Variants in PACS2 observed in about 807,000 individuals in gnomAD.
PACS2 encodes PACS1-like protein.
In PACS2, 36 loss-of-function variants were observed where a neutral mutation model predicts 113.0. That is an observed-to-expected ratio of 0.32 (90% CI 0.24 to 0.42). The LOEUF is 0.42. PACS2 is among the 10% of genes least tolerant of loss of function. PACS2 has a pLI of 1.00. For missense variants in PACS2, 1,015 were observed against 1,239.5 expected (o/e 0.82, Z 2.72); for synonymous variants, 589 against 536.1 (o/e 1.10, Z -1.36).
intron 8 of PACS2, chr14:105,371,074 C>T (rs1457259018): frequency 5.9e-5 from 9 of 152,282 alleles, no homozygotes; most frequent in African/African-American, 1.4e-4. Flanking sequence ...GTCCATGTGC[C>T]GAAACAGGTG....
At chr14:105,391,799 T>A (rs782519946) in intron 22 of PACS2, 33 bp downstream of exon 22, 19 of 1,559,104 alleles carry the variant, frequency 1.2e-5, no homozygotes, top group Non-Finnish European at 1.6e-5. Context: ...CACGTTTCAC[T>A]TACCCGCCCC....
chr14:105,354,255 A>C lies in PACS2; in HGVS notation c.298-797A>C, dbSNP rs1458113651. Among the ~76,000 whole-genome samples, 1 of 152,136 alleles carries C rather than the reference A, an allele frequency of 6.6e-6. No individual in the cohort carries two copies. Among genetic ancestry groups the C allele is most frequent in the Non-Finnish European group, 1.5e-5 (1 of 68,014 alleles). ...CTTGAACCCAGGAGGTGGAGGTGAC[A>C]GTGAGCCCGGCTAATTTTTGTATTT... is the stretch of plus-strand genomic sequence containing the variant. On this transcript the variant is annotated intron_variant, in intron 3 of 24. Transcript: ENST00000447393. The surrounding 1 kb of genome is among the most constrained non-coding windows in gnomAD (Gnocchi z 4.2).
In PACS2 at chr14:105,392,395, A is replaced by G. The variant is rs1595191768; in HGVS notation, c.2256-224A>G. On this transcript the variant is annotated intron_variant, in intron 22 of 24. Transcript: ENST00000447393. ...GCAGGTGGACAGGCCTCCCAGGCCG[A>G]GGCTCTCCTGTCGCCAGGGTCCCTG... 12 of 571,936 alleles carry G rather than the reference A, an allele frequency of 2.1e-5. No homozygotes were observed. In the East Asian group the frequency reaches 3.2e-4, roughly 15 times the overall value. The allele number at this position is 571,936 out of a possible 1,614,324, so 35.4% of individuals were successfully genotyped here.
rs147235015 is a variant in PACS2 at position 105,358,336 on chromosome 14, C to T, written c.423+3159C>T. 7.2e-5 allele frequency among the ~76,000 whole-genome samples: 11 copies of T among 152,328 alleles called. No individual in the cohort carries two copies. Among genetic ancestry groups the T allele is most frequent in the Admixed American group, 1.3e-4 (2 of 15,312 alleles). On this transcript the variant is annotated intron_variant, in intron 4 of 24. Transcript: ENST00000447393. This position sits in a 1 kb window ranked among gnomAD's most constrained non-coding sequence, Gnocchi z 4.9. ...CCGCAGCCCCAGGGCCTGCTGGGCA[C>T]GCGCCTCTGCCTGCCACTTCTCAGG...
chr14:105,314,645 A>C (rs1459844439), upstream of PACS2: 5 of 140,942 alleles, frequency 3.5e-5, no homozygotes, highest in South Asian at 2.2e-4. Context: ...CGCCCAGCCA[A>C]TCGGCGGCGC....
chr14:105,333,399 C>T (rs2059380649), intron 1 of PACS2, among the ~76,000 whole-genome samples: 1 of 152,262 alleles, frequency 6.6e-6, no homozygotes, highest in African/African-American at 2.4e-5. Flanking sequence ...GCCTGCAGCA[C>T]AGGCCGGCCA....
intron 1 of PACS2, among the ~76,000 whole-genome samples, chr14:105,303,502 C>A (rs1054545589): frequency 7.2e-5 from 11 of 152,250 alleles, no homozygotes; most frequent in African/African-American, 2.7e-4. Flanking sequence ...CTCGCCCTCC[C>A]AAAGTGCTGG....
chr14:105,336,156 C>T (rs1239290448), intron 1 of PACS2, among the ~76,000 whole-genome samples: 1 of 152,238 alleles, frequency 6.6e-6, no homozygotes, highest in Non-Finnish European at 1.5e-5. Context: ...GTTTTCCCTT[C>T]CAACAAAACA....
chr14:105,371,210 T>C (rs1339802159), intron 8 of PACS2: 1 of 152,250 alleles, frequency 6.6e-6, no homozygotes, highest in Non-Finnish European at 1.5e-5. Context: ...GTTTGCATCT[T>C]GGATTGGAAC....
chr14:105,310,533 C>CAAAAAAAAA (rs764203821), upstream of PACS2, among the ~76,000 whole-genome samples: 1 of 79,742 alleles, frequency 1.3e-5, no homozygotes, highest in African/African-American at 5.2e-5. Flanking sequence ...GACTCTGTCT[C>CAAAAAAAAA]AAAAAAAAAA....
chr14:105,393,037 C>T (rs1555415418), intron 23 of PACS2, among the ~76,000 whole-genome samples, 185 bp from the exon 24 acceptor site: 1 of 152,188 alleles, frequency 6.6e-6, no homozygotes, highest in Non-Finnish European at 1.5e-5. Flanking sequence ...ACCAGAGCCT[C>T]AGGCGGAGGC....
intron 1 of PACS2, among the ~76,000 whole-genome samples, chr14:105,307,653 A>ATGGCCTTC (rs1183204351): frequency 6.6e-6 from 1 of 152,214 alleles, no homozygotes; most frequent in African/African-American, 2.4e-5. Flanking sequence ...GCAAGCTTCT[A>ATGGCCTTC]TGGCCTTCTC....
intron 1 of PACS2, among the ~76,000 whole-genome samples, chr14:105,316,589 C>T (rs78814529): frequency 0.02 from 3,001 of 152,274 alleles, 97 homozygotes; most frequent in African/African-American, 0.069. Flanking sequence ...GTCTTTAACC[C>T]AAGGGAGGTG....
At chr14:105,390,845 C>T (rs587772944) in intron 20 of PACS2, 5 of 342,836 alleles carry the variant, frequency 1.5e-5, no homozygotes, top group East Asian at 1.2e-4. Context: ...TCTACGTAGC[C>T]GCCTGTGGCT....
At chr14:105,353,070 A>G (rs1595669953) in intron 3 of PACS2, among the ~76,000 whole-genome samples, 6 of 76,350 alleles carry the variant, frequency 7.9e-5, no homozygotes, top group Non-Finnish European at 1.3e-4. Flanking sequence ...CACCCCCATC[A>G]CTGTCCCCTG....
intron 1 of PACS2, among the ~76,000 whole-genome samples, chr14:105,320,242 C>A (rs1323611630): frequency 6.6e-6 from 1 of 152,208 alleles, no homozygotes; most frequent in African/African-American, 2.4e-5. Context: ...TCCCAAAGTG[C>A]TGGGATTACA....
In PACS2 at chr14:105,384,916, G is replaced by A. The variant is rs587769052; in HGVS notation, c.1929G>A (p.Gln643=). Residue 643 remains glutamine, a synonymous_variant, in exon 18 of 25, where the codon CAG becomes CAA. Transcript: ENST00000447393. ...CAGACATTGTGTCACGCATCACGCA[G>A]TACATCGCAGGGGCCAACTGTGCCC... ...DTPDIVSRIT[Q]YIAGANCAHQ... 83 of 1,600,596 alleles carry A rather than the reference G, an allele frequency of 5.2e-5. 1 individual carries two copies. In the South Asian group the frequency reaches 8.3e-4, roughly 16 times the overall value.
At chr14:105,301,718 C>G (rs2058036277) in intron 1 of PACS2, among the ~76,000 whole-genome samples, 1 of 152,256 alleles carries the variant, frequency 6.6e-6, no homozygotes, top group African/African-American at 2.4e-5. Flanking sequence ...CCTGTGGTTA[C>G]CCGTGAGTCA....
chr14:105,320,256 G>A (rs1003555106), intron 1 of PACS2, among the ~76,000 whole-genome samples: 23 of 152,202 alleles, frequency 1.5e-4, no homozygotes, highest in African/African-American at 2.2e-4. Context: ...GATTACAGGC[G>A]TGAGCCACCA....
Sources: gnomAD v4.1 joint callset for allele counts (sites outside exome capture counted in the v4.1 genomes callset) on GRCh38, gnomAD v4.1.1 for gene constraint, Gnocchi (gnomAD v3.1) non-coding constraint, MANE v1.5 for transcripts, NCBI Gene and HGNC (gene_info 2026-07-23, HGNC 2026-07-21) for gene names.